SORCS3: variants seen among roughly 807,000 people sequenced by gnomAD.
The protein encoded by SORCS3 is VPS10 domain-containing receptor SorCS3.
A neutral mutation model predicts 146.3 loss-of-function variants in SORCS3; 57 were observed. The observed-to-expected ratio is 0.39, with a 90% CI of 0.31 to 0.49. The LOEUF (loss-of-function observed/expected upper bound fraction) is 0.49, where lower values mean the gene tolerates loss of function less well. Ranked by LOEUF, SORCS3 falls within the 20% of genes least tolerant of loss-of-function variation. The pLI is 0.92. For missense variants in SORCS3, 1,341 were observed against 1,575.5 expected (o/e 0.85, Z 2.52); for synonymous variants, 653 against 618.5 (o/e 1.06, Z -0.83).
At chr10:105,031,885 G>T (rs914504869) in intron 4 of SORCS3, among the ~76,000 whole-genome samples, 1 of 152,054 alleles carries the variant, frequency 6.6e-6, no homozygotes. Context: ...AACAATTCAG[G>T]TTGTTTCCTT....
At chr10:104,676,404 A>G (rs2015913440) in intron 1 of SORCS3, among the ~76,000 whole-genome samples, 1 of 152,234 alleles carries the variant, frequency 6.6e-6, no homozygotes. Flanking sequence ...TTTTGTTGAC[A>G]TCATCTAATT....
chr10:105,138,295 G>A (rs921731578), intron 7 of SORCS3, among the ~76,000 whole-genome samples: 1 of 152,098 alleles, frequency 6.6e-6, no homozygotes, highest in Non-Finnish European at 1.5e-5. Flanking sequence ...GCAGAGCAAG[G>A]GGTAGCCGTG....
intron 3 of SORCS3, among the ~76,000 whole-genome samples, chr10:104,928,890 A>G (rs1273543430): frequency 6.6e-6 from 1 of 152,224 alleles, no homozygotes; most frequent in Non-Finnish European, 1.5e-5. Flanking sequence ...GTCATCCCAC[A>G]GCATGAATCT....
intron 1 of SORCS3, among the ~76,000 whole-genome samples, chr10:104,675,185 T>C (rs2015899632): frequency 6.6e-6 from 1 of 152,264 alleles, no homozygotes; most frequent in Non-Finnish European, 1.5e-5. Context: ...AATCCCATTG[T>C]GGTTTTTAAT....
intron 9 of SORCS3, among the ~76,000 whole-genome samples, chr10:105,151,659 TC>T (rs1264154457): frequency 6.6e-6 from 1 of 152,002 alleles, no homozygotes; most frequent in Admixed American, 6.6e-5. Context: ...ATTTGGAAAT[TC>T]CCCTTGCAAG....
intron 1 of SORCS3, among the ~76,000 whole-genome samples, chr10:104,712,536 A>T (rs1415062541): frequency 6.6e-6 from 1 of 152,180 alleles, no homozygotes; most frequent in East Asian, 1.9e-4. Flanking sequence ...AGAGCTGTAG[A>T]GGCTGAGGAG....
chr10:105,217,795 T>C, intron 19 of SORCS3: 1 of 454,086 alleles, frequency 2.2e-6, no homozygotes, highest in Non-Finnish European at 4.4e-6. Context: ...GTATTTTCTA[T>C]TCTAGAATTT....
chr10:104,697,420 G>A (rs564751897), intron 1 of SORCS3, among the ~76,000 whole-genome samples: 4 of 152,294 alleles, frequency 2.6e-5, no homozygotes, highest in Non-Finnish European at 4.4e-5. Context: ...TTTTTCAGGA[G>A]AGATTGGCTA....
intron 5 of SORCS3, among the ~76,000 whole-genome samples, chr10:105,055,368 T>G (rs1292263893): frequency 1.3e-5 from 2 of 152,166 alleles, no homozygotes; most frequent in Non-Finnish European, 2.9e-5. Context: ...AAGAGTGTGA[T>G]GTGAGTAAGG....
At chr10:104,713,588 G>A (rs1012689012) in intron 1 of SORCS3, among the ~76,000 whole-genome samples, 6 of 152,096 alleles carry the variant, frequency 3.9e-5, no homozygotes, top group South Asian at 2.1e-4. Flanking sequence ...TTGATGTAGC[G>A]GCTTACATTG....
intron 5 of SORCS3, among the ~76,000 whole-genome samples, chr10:105,044,795 A>G (rs985650317): frequency 6.6e-6 from 1 of 151,828 alleles, no homozygotes; most frequent in African/African-American, 2.4e-5. Flanking sequence ...CAACACCTGG[A>G]CTATCTCCAG....
chr10:104,781,039 T>C (rs1261920714), intron 1 of SORCS3, among the ~76,000 whole-genome samples: 1 of 152,206 alleles, frequency 6.6e-6, no homozygotes, highest in Non-Finnish European at 1.5e-5. Context: ...TGGAAAGTAT[T>C]GTCATACCAG....
chr10:104,764,368 T>C (rs2017157078), intron 1 of SORCS3, among the ~76,000 whole-genome samples: 1 of 152,192 alleles, frequency 6.6e-6, no homozygotes, highest in Non-Finnish European at 1.5e-5. Flanking sequence ...CCAATGCTGC[T>C]GGCTCATAGA....
chr10:104,678,044 A>G (rs1194600331), intron 1 of SORCS3, among the ~76,000 whole-genome samples: 1 of 152,190 alleles, frequency 6.6e-6, no homozygotes, highest in Non-Finnish European at 1.5e-5. Flanking sequence ...GACATAATCC[A>G]TGTCAATGTT....
At chr10:105,099,618 C>T (rs791112) in intron 6 of SORCS3, among the ~76,000 whole-genome samples, 2 of 151,992 alleles carry the variant, frequency 1.3e-5, no homozygotes, top group Admixed American at 1.3e-4. Flanking sequence ...AGAGGTGATC[C>T]TTTTGGAAAG....
intron 1 of SORCS3, among the ~76,000 whole-genome samples, chr10:104,655,259 A>AG (rs2015613633): frequency 6.6e-6 from 1 of 151,974 alleles, no homozygotes. Context: ...AAAAAAAAAA[A>AG]AAAGGAGTAG....
chr10:104,712,552 G>A (rs898729540), intron 1 of SORCS3, among the ~76,000 whole-genome samples: 1 of 152,222 alleles, frequency 6.6e-6, no homozygotes, highest in Non-Finnish European at 1.5e-5. Context: ...AGGAGGGATA[G>A]GATTCCTTTC....
intron 1 of SORCS3, among the ~76,000 whole-genome samples, chr10:104,700,305 G>A (rs529459203): frequency 3.7e-4 from 57 of 152,306 alleles, no homozygotes; most frequent in African/African-American, 1.3e-3. Flanking sequence ...GTCATGGCTG[G>A]AGCCAGAGAG....
At chr10:105,140,895 A>G (rs2056090877) in intron 8 of SORCS3, among the ~76,000 whole-genome samples, 1 of 152,146 alleles carries the variant, frequency 6.6e-6, no homozygotes, top group Admixed American at 6.5e-5. Context: ...CCCATCAGAT[A>G]TTCTAAACCC....
Sources: allele counts gnomAD v4.1 joint callset (sites outside exome capture counted in the v4.1 genomes callset), GRCh38; gene constraint gnomAD v4.1.1; transcripts MANE v1.5; gene names NCBI Gene and HGNC (gene_info 2026-07-23, HGNC 2026-07-21).